The following DLGAP1 variants were observed in gnomAD, a reference collection of about 807,000 sequenced individuals.
DLGAP1 encodes disks large-associated protein 1.
Under a neutral mutation model 90.8 loss-of-function variants are expected in DLGAP1, and 11 were observed. The observed-to-expected ratio is 0.12, with a 90% confidence interval of 0.08 to 0.20. The LOEUF is 0.20. DLGAP1 is among the 10% of genes least tolerant of loss of function. DLGAP1 has a pLI of 1.00. For synonymous variants in DLGAP1, 558 were observed against 540.7 expected (o/e 1.03, Z -0.44); for missense variants, 1,050 against 1,333.8 (o/e 0.79, Z 3.31).
intron 1 of DLGAP1, among the ~76,000 whole-genome samples, chr18:4,232,634 G>A (rs1257421033): frequency 6.6e-6 from 1 of 152,126 alleles, no homozygotes; most frequent in Non-Finnish European, 1.5e-5. Context: ...CAGACATTAA[G>A]AACAAGGAAA....
chr18:4,249,769 G>A (rs2078740081), intron 1 of DLGAP1, among the ~76,000 whole-genome samples: 1 of 152,030 alleles, frequency 6.6e-6, no homozygotes, highest in Non-Finnish European at 1.5e-5. Context: ...TTTGCTTTCT[G>A]TAGAGACGGG....
At chr18:3,678,687 G>A (rs1289619036) in intron 7 of DLGAP1, among the ~76,000 whole-genome samples, 1 of 152,138 alleles carries the variant, frequency 6.6e-6, no homozygotes, top group Non-Finnish European at 1.5e-5. Flanking sequence ...GTTCTGATAG[G>A]TTATTATACC....
chr18:3,662,851 T>C (rs555340536), intron 7 of DLGAP1, among the ~76,000 whole-genome samples: 1 of 152,354 alleles, frequency 6.6e-6, no homozygotes, highest in South Asian at 2.1e-4. Context: ...GTATTATCAG[T>C]ATACGTTGGA....
chr18:4,406,439 C>T (rs941329755), intron 1 of DLGAP1, among the ~76,000 whole-genome samples: 2 of 152,298 alleles, frequency 1.3e-5, no homozygotes, highest in East Asian at 3.9e-4. Flanking sequence ...AACATAAAGC[C>T]TTGCAGAGTT....
intron 1 of DLGAP1, among the ~76,000 whole-genome samples, chr18:4,153,173 A>G (rs2076702159): frequency 6.6e-6 from 1 of 152,244 alleles, no homozygotes; most frequent in South Asian, 2.1e-4. Flanking sequence ...AATGTCATCT[A>G]GTGTAATGGT....
chr18:3,708,357 GT>G, intron 7 of DLGAP1: 1 of 453,814 alleles, frequency 2.2e-6, no homozygotes, highest in Middle Eastern at 3.3e-4. Context: ...AAAACAAAAT[GT>G]TTTTTATTGT....
chr18:3,817,517 A>T (rs1445738304), intron 4 of DLGAP1, among the ~76,000 whole-genome samples: 2 of 152,230 alleles, frequency 1.3e-5, no homozygotes, highest in Non-Finnish European at 2.9e-5. Flanking sequence ...TAATACAGTA[A>T]TCCGTTCTAG....
intron 3 of DLGAP1, among the ~76,000 whole-genome samples, chr18:3,905,385 A>AG (rs2071881229): frequency 6.7e-6 from 1 of 149,658 alleles, no homozygotes; most frequent in African/African-American, 2.4e-5. Context: ...AAAAAAAAAA[A>AG]AAAAAAAGAA....
intron 3 of DLGAP1, among the ~76,000 whole-genome samples, chr18:3,943,778 G>T (rs188725629): frequency 2.6e-5 from 4 of 152,190 alleles, no homozygotes; most frequent in Non-Finnish European, 5.9e-5. Flanking sequence ...TTGGAGATAG[G>T]GCATTTAAAG....
intron 1 of DLGAP1, among the ~76,000 whole-genome samples, chr18:4,417,740 C>A (rs1355966134): frequency 6.6e-6 from 1 of 152,032 alleles, no homozygotes; most frequent in Admixed American, 6.6e-5. Context: ...CAACTTAACC[C>A]TGGGGAAGAT....
At chr18:3,522,028 T>A (rs950963480) in intron 10 of DLGAP1, among the ~76,000 whole-genome samples, 1 of 152,102 alleles carries the variant, frequency 6.6e-6, no homozygotes, top group Non-Finnish European at 1.5e-5. Context: ...CCTGGAAAAG[T>A]CACACCATCT....
At chr18:4,054,181 T>C (rs964153575) in intron 2 of DLGAP1, among the ~76,000 whole-genome samples, 1 of 152,196 alleles carries the variant, frequency 6.6e-6, no homozygotes, top group African/African-American at 2.4e-5. Context: ...TCTGAATATG[T>C]ATTCTCTGAA....
intron 2 of DLGAP1, among the ~76,000 whole-genome samples, chr18:4,042,974 T>C (rs1345444155): frequency 1.3e-5 from 2 of 152,234 alleles, no homozygotes; most frequent in African/African-American, 2.4e-5. Context: ...GATTCATTTA[T>C]ATGATTTGAA....
intron 11 of DLGAP1, among the ~76,000 whole-genome samples, chr18:3,502,966 T>C (rs1022265556): frequency 6.6e-6 from 1 of 151,868 alleles, no homozygotes; most frequent in Non-Finnish European, 1.5e-5. Context: ...TAAAACACCA[T>C]ATTCAAATGA....
chr18:4,299,085 C>CAAAAAAA (rs35327176), intron 1 of DLGAP1, among the ~76,000 whole-genome samples: 39 of 76,232 alleles, frequency 5.1e-4, no homozygotes, highest in African/African-American at 1.2e-3. Context: ...TGTCTCAAGA[C>CAAAAAAA]AAAAAAAAAA....
At chr18:4,296,619 G>A (rs781313545) in intron 1 of DLGAP1, among the ~76,000 whole-genome samples, 2 of 152,096 alleles carry the variant, frequency 1.3e-5, no homozygotes, top group Non-Finnish European at 2.9e-5. Flanking sequence ...TTTCAGATTG[G>A]CTGTCTTGAT....
intron 7 of DLGAP1, among the ~76,000 whole-genome samples, chr18:3,613,255 G>A (rs935796745): frequency 1.3e-5 from 2 of 152,116 alleles, no homozygotes; most frequent in African/African-American, 4.8e-5. Context: ...AGTAATATTA[G>A]ATATAAAACC....
At chr18:3,990,846 A>T (rs2073953660) in intron 3 of DLGAP1, among the ~76,000 whole-genome samples, 1 of 151,982 alleles carries the variant, frequency 6.6e-6, no homozygotes, top group Non-Finnish European at 1.5e-5. Context: ...AGGCAGATAT[A>T]GGAATTTAGC....
chr18:3,933,684 G>A (rs2072569752), intron 3 of DLGAP1, among the ~76,000 whole-genome samples: 1 of 152,146 alleles, frequency 6.6e-6, no homozygotes, highest in Admixed American at 6.6e-5. Flanking sequence ...CTTGCATCCA[G>A]TCCCACCTTG....
Sources: gnomAD v4.1 joint callset for allele counts (sites outside exome capture counted in the v4.1 genomes callset) on GRCh38, gnomAD v4.1.1 for gene constraint, MANE v1.5 for transcripts, NCBI Gene and HGNC (gene_info 2026-07-23, HGNC 2026-07-21) for gene names.